NKAIN3: variants seen among roughly 807,000 people sequenced by gnomAD.
NKAIN3 encodes sodium/potassium transporting ATPase interacting 3.
A neutral mutation model predicts 30.2 loss-of-function variants in NKAIN3; 25 were observed. The ratio of observed to expected loss-of-function variants is 0.83; its 90% confidence interval spans 0.60 to 1.16. The LOEUF is 1.16. NKAIN3 is among the 50% of genes most tolerant of loss of function. NKAIN3 has a pLI of 0.00. For missense variants in NKAIN3, 225 were observed against 254.1 expected (o/e 0.89, Z 0.78); for synonymous variants, 91 against 89.6 (o/e 1.02, Z -0.09).
intron 3 of NKAIN3, among the ~76,000 whole-genome samples, chr8:62,650,308 A>C (rs760692363): frequency 3.9e-5 from 6 of 152,162 alleles, no homozygotes; most frequent in Admixed American, 6.6e-5. Flanking sequence ...TCTGCCTCGC[A>C]ATAGAGTAAC....
intron 3 of NKAIN3, among the ~76,000 whole-genome samples, chr8:62,713,806 G>A (rs1026656075): frequency 2.0e-5 from 3 of 152,090 alleles, no homozygotes; most frequent in Non-Finnish European, 2.9e-5. Flanking sequence ...TGGAGTTTTA[G>A]TTTATTGCTT....
chr8:62,652,048 G>A (rs187150526), intron 3 of NKAIN3, among the ~76,000 whole-genome samples: 6 of 152,014 alleles, frequency 3.9e-5, no homozygotes, highest in African/African-American at 1.2e-4. Context: ...TAACATACAT[G>A]GCAAAAGGGG....
At chr8:62,630,933 C>T (rs1270201989) in intron 3 of NKAIN3, among the ~76,000 whole-genome samples, 6 of 152,128 alleles carry the variant, frequency 3.9e-5, no homozygotes, top group Admixed American at 1.3e-4. Flanking sequence ...AAGCAACTTT[C>T]CTCCAGCTCT....
chr8:62,795,951 A>G (rs894287177), intron 4 of NKAIN3, among the ~76,000 whole-genome samples: 6 of 152,310 alleles, frequency 3.9e-5, no homozygotes, highest in Non-Finnish European at 8.8e-5. Flanking sequence ...CCAAATATCC[A>G]GATCCCAACC....
rs116966377 is a variant in NKAIN3, at chr8:62,920,547, A to C, written c.532+2034A>C. Among the ~76,000 whole-genome samples, 24 of 152,296 alleles carry C rather than the reference A, an allele frequency of 1.6e-4. No homozygotes were observed. The East Asian group carries it at 3.1e-3, about 20-fold the overall frequency. ...TTAGCCTTCTTTTCAGTGTATATAAATTGTATTGTTCACTGCCAGATATCG... is the reference window on the plus strand; with the variant it reads ...TTAGCCTTCTTTTCAGTGTATATAACTTGTATTGTTCACTGCCAGATATCG... On this transcript the variant is annotated intron_variant, in intron 5 of 6. Coordinates refer to ENST00000623646, the MANE Select transcript of NKAIN3 (RefSeq NM_001304533.3).
chr8:62,574,781 ATT>A (rs1414318110), intron 1 of NKAIN3, among the ~76,000 whole-genome samples: 1 of 152,018 alleles, frequency 6.6e-6, no homozygotes, highest in Non-Finnish European at 1.5e-5. Flanking sequence ...TTTGGTTTGC[ATT>A]TCTCTGATGA....
intron 3 of NKAIN3, among the ~76,000 whole-genome samples, chr8:62,745,211 T>C (rs1175537201): frequency 6.6e-6 from 1 of 152,228 alleles, no homozygotes. Flanking sequence ...TTTAGGTGTC[T>C]CCTTGGCAAC....
intron 1 of NKAIN3, among the ~76,000 whole-genome samples, chr8:62,325,967 CTA>C (rs919124636): frequency 1.8e-4 from 28 of 151,980 alleles, no homozygotes; most frequent in African/African-American, 5.8e-4. Flanking sequence ...TCTGTTTACT[CTA>C]TTGATTATTT....
intron 3 of NKAIN3, among the ~76,000 whole-genome samples, chr8:62,628,361 T>C (rs1331719697): frequency 6.6e-6 from 1 of 152,132 alleles, no homozygotes; most frequent in African/African-American, 2.4e-5. Context: ...CCCGCTGGGT[T>C]TATCTGTGGT....
chr8:62,708,933 G>T (rs13253228), intron 3 of NKAIN3, among the ~76,000 whole-genome samples: 3 of 151,914 alleles, frequency 2.0e-5, no homozygotes, highest in Non-Finnish European at 4.4e-5. Context: ...AATCATAAAG[G>T]GATGCTGGAT....
intron 4 of NKAIN3, among the ~76,000 whole-genome samples, chr8:62,816,069 C>A (rs1258481962): frequency 6.6e-6 from 1 of 151,998 alleles, no homozygotes; most frequent in Non-Finnish European, 1.5e-5. Flanking sequence ...TATTGTGTTC[C>A]TTTGAGAGTG....
intron 4 of NKAIN3, among the ~76,000 whole-genome samples, chr8:62,875,602 T>C (rs908514282): frequency 6.6e-6 from 1 of 152,060 alleles, no homozygotes; most frequent in East Asian, 1.9e-4. Context: ...AACCAAAGCA[T>C]CATAGTCCTG....
intron 4 of NKAIN3, among the ~76,000 whole-genome samples, chr8:62,830,142 A>T (rs1276217609): frequency 2.0e-5 from 3 of 152,204 alleles, no homozygotes; most frequent in Non-Finnish European, 4.4e-5. Context: ...TCTAAGAGTC[A>T]TGATAGAACA....
At chr8:62,890,825 C>T (rs548869906) in intron 4 of NKAIN3, among the ~76,000 whole-genome samples, 4 of 152,322 alleles carry the variant, frequency 2.6e-5, no homozygotes, top group African/African-American at 9.6e-5. Flanking sequence ...TCATTCCACC[C>T]TCTCATCACC....
In NKAIN3 at chr8:62,371,788, G is replaced by T. The variant is rs115042582; in HGVS notation, c.54+122661G>T. ...TTATTTCACATACCCCTATTTTATT[G>T]TATGTTGCTGTTTCTAGTTTCAGAC... On this transcript the variant is annotated intron_variant, in intron 1 of 6. Coordinates refer to ENST00000623646, the MANE Select transcript of NKAIN3 (RefSeq NM_001304533.3). 5.2e-3 allele frequency among the ~76,000 whole-genome samples: 783 copies of T among 151,686 alleles called. 4 individuals are homozygous for T. Among genetic ancestry groups the T allele is most frequent in the African/African-American group, 0.018 (748 of 41,392 alleles).
chr8:62,384,019 C>A (rs1466524497), intron 1 of NKAIN3, among the ~76,000 whole-genome samples: 1 of 152,032 alleles, frequency 6.6e-6, no homozygotes, highest in Non-Finnish European at 1.5e-5. Flanking sequence ...CTTTTCTCTG[C>A]TTCTTGGAAG....
chr8:62,319,011 G>T (rs370240172), intron 1 of NKAIN3, among the ~76,000 whole-genome samples: 4 of 152,210 alleles, frequency 2.6e-5, no homozygotes, highest in South Asian at 2.1e-4. Context: ...CAATTTCAGA[G>T]CCTGTTATTG....
chr8:62,402,224 G>T (rs1477324689), intron 1 of NKAIN3, among the ~76,000 whole-genome samples: 1 of 152,174 alleles, frequency 6.6e-6, no homozygotes, highest in Non-Finnish European at 1.5e-5. Flanking sequence ...GGTGAGTAAT[G>T]TCTGGTTACC....
chr8:62,508,604 T>A (rs1807717499), intron 1 of NKAIN3, among the ~76,000 whole-genome samples: 1 of 152,146 alleles, frequency 6.6e-6, no homozygotes, highest in Non-Finnish European at 1.5e-5. Context: ...ATAATATGTT[T>A]GACATGCATG....
Sources: gnomAD v4.1 joint callset for allele counts (sites outside exome capture counted in the v4.1 genomes callset) on GRCh38, gnomAD v4.1.1 for gene constraint, MANE v1.5 for transcripts, NCBI Gene and HGNC (gene_info 2026-07-23, HGNC 2026-07-21) for gene names.